ANKIB1: variants seen among roughly 807,000 people sequenced by gnomAD.
ANKIB1 encodes the protein ankyrin repeat and IBR domain containing 1.
A neutral mutation model predicts 122.1 loss-of-function variants in ANKIB1; 43 were observed. The ratio of observed to expected loss-of-function variants is 0.35; its 90% CI spans 0.28 to 0.45. The LOEUF (loss-of-function observed/expected upper bound fraction) is 0.45, where lower values mean the gene tolerates loss of function less well. Among genes scored for constraint, ANKIB1 ranks in the 20% least tolerant of loss-of-function variants. The pLI, the probability that ANKIB1 is intolerant of heterozygous loss-of-function variation, is 1.00. For synonymous variants in ANKIB1, 390 were observed against 442.0 expected (o/e 0.88, Z 1.48); for missense variants, 992 against 1,329.5 (o/e 0.75, Z 3.95).
intron 9 of ANKIB1, among the ~76,000 whole-genome samples, chr7:92,358,355 A>C (rs17685237): frequency 0.047 from 7,108 of 152,230 alleles, 235 homozygotes; most frequent in Non-Finnish European, 0.072. Context: ...TGCATTGGAA[A>C]CTGTACCAAC....
intron 11 of ANKIB1, among the ~76,000 whole-genome samples, chr7:92,386,229 A>G (rs574615602): frequency 3.1e-4 from 47 of 152,324 alleles, no homozygotes; most frequent in African/African-American, 1.1e-3. Context: ...TTCCAAAGAT[A>G]TTATTTGGAA....
At chr7:92,347,691 G>T (rs1455939734) in intron 7 of ANKIB1, among the ~76,000 whole-genome samples, 1 of 152,084 alleles carries the variant, frequency 6.6e-6, no homozygotes, top group East Asian at 1.9e-4. Flanking sequence ...CTAATATTGA[G>T]GATAAGAGCT....
chr7:92,271,022 T>C (rs1288489562), intron 1 of ANKIB1, among the ~76,000 whole-genome samples: 1 of 152,100 alleles, frequency 6.6e-6, no homozygotes, highest in Non-Finnish European at 1.5e-5. Flanking sequence ...ATGTTAAAAA[T>C]TCTCCCTAAT....
intron 17 of ANKIB1, 183 bp from the exon 18 acceptor site, chr7:92,396,182 C>A (rs965080432): frequency 8.8e-5 from 51 of 579,562 alleles, no homozygotes; most frequent in South Asian, 3.5e-4. Context: ...TGAAAACTTT[C>A]TTTTTCCATT....
chr7:92,312,289 A>G (rs1802706980), intron 3 of ANKIB1, among the ~76,000 whole-genome samples: 1 of 152,222 alleles, frequency 6.6e-6, no homozygotes, highest in African/African-American at 2.4e-5. Flanking sequence ...GATAAAAATA[A>G]TGCAAAGGAG....
chr7:92,345,099 G>A (rs1445194267), intron 7 of ANKIB1, 33 bp downstream of exon 7: 2 of 1,397,652 alleles, frequency 1.4e-6, no homozygotes, highest in Non-Finnish European at 2.0e-6. Flanking sequence ...ATCTCTTACT[G>A]CATGATAGCA....
chr7:92,258,943 TTTTTG>T (rs367915303), intron 1 of ANKIB1, among the ~76,000 whole-genome samples: 5 of 152,058 alleles, frequency 3.3e-5, no homozygotes, highest in South Asian at 2.1e-4. Flanking sequence ...TTTGGAGTTT[TTTTTG>T]TTTTGTTTTG....
intron 15 of ANKIB1, 132 bp downstream of exon 15, chr7:92,390,248 G>T: frequency 1.3e-6 from 1 of 755,328 alleles, no homozygotes; most frequent in Non-Finnish European, 1.9e-6. Flanking sequence ...TTTTTAAATG[G>T]TTTTTAAATA....
Position 92,307,647 on chromosome 7 carries a change from CT to C in ANKIB1, c.478del (p.Cys160ValfsTer2). On this transcript the variant is annotated frameshift_variant, in exon 3 of 20. Transcript: ENST00000265742. LOFTEE classifies it high-confidence loss of function. ...HYAAASGMKA[C>X]VELLVKHGGD... ...ATGCTGCTGCCTCAGGGATGAAAGCCTGTGTAGAGGTAAATTTTTTTTTTTT... is the reference window on the plus strand; with the variant it reads ...ATGCTGCTGCCTCAGGGATGAAAGCCGTGTAGAGGTAAATTTTTTTTTTTT... 1 of 1,572,942 alleles carries C rather than the reference CT, an allele frequency of 6.4e-7. No individual in the cohort carries two copies. The highest frequency in any genetic ancestry group is 8.6e-7 in the Non-Finnish European group (1 of 1,163,950).
At chr7:92,382,001 CAT>C (rs1319567446) in intron 11 of ANKIB1, among the ~76,000 whole-genome samples, 1 of 151,730 alleles carries the variant, frequency 6.6e-6, no homozygotes, top group Non-Finnish European at 1.5e-5. Context: ...AGACCCATCT[CAT>C]GTGCAGAGAC....
chr7:92,398,754 A>G lies in ANKIB1; in HGVS notation c.3075A>G (p.Glu1025=). ...TGCTGCCAGAAGATTCAATGTTTGA[A>G]GATGCCAGTGTCAGTGAAGGTAGAG... ...ELVLPEDSMF[E]DASVSEGRGT... Residue 1025 remains glutamate (E), a synonymous_variant, in exon 20 of 20, where the codon GAA becomes GAG. Coordinates refer to ENST00000265742, the MANE Select transcript of ANKIB1 (RefSeq NM_019004.2). The G allele has an allele frequency of 3.1e-6, 5 of 1,613,542 alleles. No individual in the cohort carries two copies. The highest frequency in any genetic ancestry group is 1.7e-6 in the Non-Finnish European group (2 of 1,179,688).
intron 1 of ANKIB1, among the ~76,000 whole-genome samples, chr7:92,279,951 A>G (rs2131900860): frequency 6.6e-6 from 1 of 152,336 alleles, no homozygotes; most frequent in South Asian, 2.1e-4. Context: ...TGATTTTACA[A>G]GAGCTCATTA....
chr7:92,289,332 A>G (rs1802200743), intron 1 of ANKIB1, among the ~76,000 whole-genome samples: 1 of 152,210 alleles, frequency 6.6e-6, no homozygotes, highest in Non-Finnish European at 1.5e-5. Flanking sequence ...GTGTATCCCC[A>G]CTGAAATATA....
chr7:92,356,591 G>T (rs1803818942), intron 9 of ANKIB1, among the ~76,000 whole-genome samples: 1 of 152,160 alleles, frequency 6.6e-6, no homozygotes, highest in African/African-American at 2.4e-5. Context: ...AATAATCTGG[G>T]AGATACAGGA....
At chr7:92,286,542 C>T (rs968865740) in intron 1 of ANKIB1, among the ~76,000 whole-genome samples, 8 of 150,376 alleles carry the variant, frequency 5.3e-5, no homozygotes, top group Admixed American at 2.0e-4. Flanking sequence ...TGCAGTGGCA[C>T]GGTCGCAGCT....
chr7:92,363,560 G>A (rs534129201), intron 10 of ANKIB1, among the ~76,000 whole-genome samples: 1 of 152,360 alleles, frequency 6.6e-6, no homozygotes, highest in East Asian at 1.9e-4. Context: ...TGAGAGTACA[G>A]AAACAATGAC....
At chr7:92,390,722 A>G (rs559809232) in intron 15 of ANKIB1, among the ~76,000 whole-genome samples, 1 of 152,276 alleles carries the variant, frequency 6.6e-6, no homozygotes, top group South Asian at 2.1e-4. Context: ...AGCCTTCCAC[A>G]CTTGACCCCA....
At chr7:92,376,473 A>G (rs1172717222) in intron 11 of ANKIB1, among the ~76,000 whole-genome samples, 1 of 148,524 alleles carries the variant, frequency 6.7e-6, no homozygotes, top group African/African-American at 2.5e-5. Flanking sequence ...TTTTGAGACA[A>G]AGTCTCGCTC....
intron 3 of ANKIB1, among the ~76,000 whole-genome samples, chr7:92,313,649 A>G (rs1802736406): frequency 6.6e-6 from 1 of 152,130 alleles, no homozygotes; most frequent in Non-Finnish European, 1.5e-5. Flanking sequence ...TGGAGTGGGT[A>G]ATATTTCAGT....
Sources: gnomAD v4.1 joint callset for allele counts (sites outside exome capture counted in the v4.1 genomes callset) on GRCh38, gnomAD v4.1.1 for gene constraint, MANE v1.5 for transcripts, NCBI Gene and HGNC (gene_info 2026-07-23, HGNC 2026-07-21) for gene names.